The following ARMH4 variants were observed in gnomAD, a reference collection of about 807,000 sequenced individuals.
ARMH4 encodes the protein armadillo like helical domain containing 4.
A neutral mutation model predicts 61.9 loss-of-function variants in ARMH4; 49 were observed. The observed-to-expected ratio is 0.79, with a 90% CI of 0.63 to 1.00. The LOEUF is 1.00. ARMH4 is among the 50% of genes least tolerant of loss of function. ARMH4 has a pLI of 0.00. For missense variants in ARMH4, 934 were observed against 930.0 expected, an observed-to-expected ratio of 1.00 and a Z score of -0.06; for synonymous variants, 368 against 341.5, an observed-to-expected ratio of 1.08 and a Z score of -0.85.
chr14:58,031,195 C>T (rs1237951198), intron 5 of ARMH4, among the ~76,000 whole-genome samples: 1 of 152,164 alleles, frequency 6.6e-6, no homozygotes, highest in East Asian at 1.9e-4. Flanking sequence ...TGTGTTTCTT[C>T]AGCAGACATA....
chr14:58,054,644 T>A (rs1478975255), intron 5 of ARMH4, among the ~76,000 whole-genome samples: 1 of 152,042 alleles, frequency 6.6e-6, no homozygotes, highest in Non-Finnish European at 1.5e-5. Flanking sequence ...ATGACTGTAA[T>A]CCCAACACTT....
chr14:58,097,578 T>G (rs963498826), intron 4 of ARMH4, among the ~76,000 whole-genome samples: 1 of 152,190 alleles, frequency 6.6e-6, no homozygotes, highest in African/African-American at 2.4e-5. Context: ...CTAAAGGAAT[T>G]GGGAAGTGGG....
intron 4 of ARMH4, among the ~76,000 whole-genome samples, chr14:58,129,434 A>G (rs888247056): frequency 2.0e-5 from 3 of 152,236 alleles, no homozygotes; most frequent in African/African-American, 7.2e-5. Context: ...TTAAAATAAC[A>G]TATAAACTCA....
chr14:58,004,727 C>G lies in ARMH4; in HGVS notation c.*9G>C, dbSNP rs17094192. Reference sequence around the variant, plus strand: ...ATCGTTGAATATCCCAATTAAAACCCAGTCCAATTCAAAATTCATCTTCAG... The same window carrying G: ...ATCGTTGAATATCCCAATTAAAACCGAGTCCAATTCAAAATTCATCTTCAG... On this transcript the variant is annotated 3_prime_UTR_variant, in exon 8 of 8. Transcript: ENST00000267485. 0.099 allele frequency: 157,587 copies of G among 1,596,070 alleles called. 8,445 individuals are homozygous for G. Among genetic ancestry groups the G allele is most frequent in the African/African-American group, 0.19 (14,002 of 74,486 alleles).
chr14:58,006,648 G>A lies in ARMH4; in HGVS notation c.2122-1466C>T, dbSNP rs1007192868. ...TAAGTATTTTTCCCCAAGAAACAAA[G>A]CCTAGACATTTTTCAATAAATTAAT... On this transcript the variant is annotated intron_variant, in intron 6 of 7. Coordinates refer to ENST00000267485, the MANE Select transcript of ARMH4 (RefSeq NM_001001872.4). 2.6e-5 allele frequency among the ~76,000 whole-genome samples: 4 copies of A among 151,906 alleles called. No homozygotes were observed. The East Asian group carries it at 7.7e-4, about 29-fold the overall frequency.
At chr14:58,114,177 C>T (rs1406760783) in intron 4 of ARMH4, among the ~76,000 whole-genome samples, 1 of 152,052 alleles carries the variant, frequency 6.6e-6, no homozygotes, top group African/African-American at 2.4e-5. Flanking sequence ...ATGATTTTTT[C>T]CAGAGAGAAT....
At chr14:58,152,013 T>TGCCCCGGCGCCACGTCTGCA (rs1887946223) in intron 1 of ARMH4, 62 bp downstream of exon 1, 1 of 152,486 alleles carries the variant, frequency 6.6e-6, no homozygotes, top group Admixed American at 6.5e-5. Flanking sequence ...GTTCCGTCCC[T>TGCCCCGGCGCCACGTCTGCA]GCCCCGGCGC....
At chr14:58,081,576 C>A (rs1885226517) in intron 5 of ARMH4, among the ~76,000 whole-genome samples, 1 of 151,732 alleles carries the variant, frequency 6.6e-6, no homozygotes, top group Admixed American at 6.6e-5. Flanking sequence ...TCTCGGCTCA[C>A]TGCAAGCTCC....
chr14:58,125,032 CT>C (rs1228790775), intron 4 of ARMH4, among the ~76,000 whole-genome samples: 2 of 152,066 alleles, frequency 1.3e-5, no homozygotes, highest in Non-Finnish European at 1.5e-5. Context: ...ATCAGGAAGT[CT>C]TTAGGAGATT....
rs558777323 is a variant in ARMH4 at position 58,088,486 on chromosome 14, T to G, written c.2089+8238A>C. Reference sequence around the variant, plus strand: ...AAAAAAAAAGAGGTCTGCACCCAAGTCTTTGCTTCTCTTGTCTAGGAAAAA... The same window carrying G: ...AAAAAAAAAGAGGTCTGCACCCAAGGCTTTGCTTCTCTTGTCTAGGAAAAA... On this transcript the variant is annotated intron_variant, in intron 5 of 7. Transcript: ENST00000267485. Among the ~76,000 whole-genome samples, 4 of 150,626 alleles carry G rather than the reference T, an allele frequency of 2.7e-5. No individual in the cohort carries two copies. In the East Asian group the frequency reaches 7.8e-4, roughly 29 times the overall value.
At chr14:58,029,596 G>GA (rs2141161882) in intron 5 of ARMH4, among the ~76,000 whole-genome samples, 1 of 152,172 alleles carries the variant, frequency 6.6e-6, no homozygotes, top group African/African-American at 2.4e-5. Context: ...ATAAAGGCAT[G>GA]AAAAAATGCT....
chr14:58,118,547 T>C (rs1417094500), intron 4 of ARMH4, among the ~76,000 whole-genome samples: 1 of 149,610 alleles, frequency 6.7e-6, no homozygotes, highest in Non-Finnish European at 1.5e-5. Flanking sequence ...ACCCTTTACA[T>C]AGGGGGAAAA....
chr14:58,048,523 C>T (rs530382357), intron 5 of ARMH4, among the ~76,000 whole-genome samples: 1 of 152,188 alleles, frequency 6.6e-6, no homozygotes, highest in Admixed American at 6.5e-5. Flanking sequence ...CTTTCTCCAG[C>T]CCTTCAAATT....
chr14:58,120,205 T>C lies in ARMH4; in HGVS notation c.1831+11307A>G, dbSNP rs1048972166. ...ACACAATGGTAAGTATTTGTGTATC[T>C]AAACATAGAAAAGGTACAGTAAAAG... On this transcript the variant is annotated intron_variant, in intron 4 of 7. Coordinates refer to ENST00000267485, the MANE Select transcript of ARMH4 (RefSeq NM_001001872.4). Among the ~76,000 whole-genome samples, 3 of 152,284 alleles carry C rather than the reference T, an allele frequency of 2.0e-5. No individual in the cohort carries two copies. The East Asian group carries it at 5.8e-4, about 29-fold the overall frequency.
intron 5 of ARMH4, among the ~76,000 whole-genome samples, chr14:58,026,846 A>C (rs2223934): frequency 0.54 from 82,417 of 151,900 alleles, 22,518 homozygotes; most frequent in East Asian, 0.67. Flanking sequence ...AACATAGGGC[A>C]AAGGTAAATA....
At chr14:58,136,894 C>T (rs1887320968) in intron 2 of ARMH4, among the ~76,000 whole-genome samples, 1 of 152,126 alleles carries the variant, frequency 6.6e-6, no homozygotes, top group Admixed American at 6.5e-5. Flanking sequence ...CTACCCCCTT[C>T]CTTATTTCTA....
chr14:58,010,786 A>G (rs889486006), intron 6 of ARMH4, among the ~76,000 whole-genome samples: 5 of 151,978 alleles, frequency 3.3e-5, no homozygotes, highest in African/African-American at 1.2e-4. Context: ...AAGAAATTTA[A>G]CAATATCAAA....
intron 2 of ARMH4, among the ~76,000 whole-genome samples, chr14:58,137,462 AT>A (rs1887343811): frequency 6.6e-6 from 1 of 151,074 alleles, no homozygotes; most frequent in African/African-American, 2.4e-5. Flanking sequence ...CAGTGGTACA[AT>A]CTTGGCTCAC....
chr14:58,148,640 C>A (rs1157210704), intron 1 of ARMH4, among the ~76,000 whole-genome samples: 1 of 151,978 alleles, frequency 6.6e-6, no homozygotes, highest in Non-Finnish European at 1.5e-5. Flanking sequence ...ATATAAATAA[C>A]CATTTAAGAA....
Sources: allele counts gnomAD v4.1 joint callset (sites outside exome capture counted in the v4.1 genomes callset), GRCh38; gene constraint gnomAD v4.1.1; transcripts MANE v1.5; gene names NCBI Gene and HGNC (gene_info 2026-07-23, HGNC 2026-07-21).